The following PRRG1 variants were observed in gnomAD, a reference collection of about 807,000 sequenced individuals.
PRRG1 encodes transmembrane gamma-carboxyglutamic acid protein 1.
A neutral mutation model predicts 11.8 loss-of-function variants in PRRG1; 5 were observed. The ratio of observed to expected loss-of-function variants is 0.42; its 90% CI spans 0.22 to 0.89. The LOEUF (loss-of-function observed/expected upper bound fraction) is 0.89. Ranked by LOEUF, PRRG1 falls within the 40% of genes least tolerant of loss-of-function variation. PRRG1 has a pLI of 0.28. For missense variants in PRRG1, 155 were observed against 166.1 expected, an observed-to-expected ratio of 0.93 and a Z score of 0.37; for synonymous variants, 66 against 60.4, an observed-to-expected ratio of 1.09 and a Z score of -0.43.
intron 3 of PRRG1, among the ~76,000 whole-genome samples, chrX:37,439,348 C>T (rs1352152633): frequency 1.8e-5 from 2 of 112,373 alleles, no homozygotes; most frequent in East Asian, 2.8e-4. Context: ...CATTCCATCC[C>T]ATTGTTGAAG....
intron 1 of PRRG1, among the ~76,000 whole-genome samples, chrX:37,369,588 A>G (rs1215537406): frequency 4.5e-5 from 5 of 111,579 alleles, no homozygotes; most frequent in Non-Finnish European, 5.6e-5. Flanking sequence ...CCTCCTGTCT[A>G]ACTGAAATTT....
At chrX:37,437,418 C>T (rs1302988123) in intron 3 of PRRG1, among the ~76,000 whole-genome samples, 3 of 112,090 alleles carry the variant, frequency 2.7e-5, no homozygotes, top group African/African-American at 9.7e-5. Context: ...CAGAACTATC[C>T]TCAGAGACTG....
intron 3 of PRRG1, among the ~76,000 whole-genome samples, chrX:37,445,606 A>G (rs1208989632): frequency 8.9e-6 from 1 of 112,961 alleles, no homozygotes; most frequent in Admixed American, 9.3e-5. Flanking sequence ...TGTAACTTCA[A>G]CAACGATTAT....
intron 1 of PRRG1, among the ~76,000 whole-genome samples, chrX:37,369,946 T>C (rs1930713086): frequency 9.0e-6 from 1 of 110,614 alleles, no homozygotes; most frequent in Non-Finnish European, 1.9e-5. Flanking sequence ...GTGAGTCCAT[T>C]AAACCTCTGT....
chrX:37,447,115 A>G (rs1933092053), intron 3 of PRRG1, among the ~76,000 whole-genome samples: 1 of 112,349 alleles, frequency 8.9e-6, no homozygotes. Context: ...ACAATGTTAT[A>G]GTACCATTTA....
chrX:37,400,792 T>G, intron 1 of PRRG1, among the ~76,000 whole-genome samples: 1 of 111,333 alleles, frequency 9.0e-6, no homozygotes, highest in Non-Finnish European at 1.9e-5. Context: ...TAAAAAATGA[T>G]AAAGGGAATA....
At chrX:37,376,549 G>GTATATATATATATATATA (rs1491489103) in intron 1 of PRRG1, among the ~76,000 whole-genome samples, 661 of 15,987 alleles carry the variant, frequency 0.041, 93 homozygotes, top group African/African-American at 0.048. Context: ...AGAAATGTGA[G>GTATATATATATATATATA]TGTATATATA....
chrX:37,446,801 T>C (rs5917621), intron 3 of PRRG1, among the ~76,000 whole-genome samples: 28,580 of 110,587 alleles, frequency 0.26, 5,948 homozygotes, highest in African/African-American at 0.71. Context: ...AAAGCGGAAG[T>C]AGGCACATGT....
intron 3 of PRRG1, among the ~76,000 whole-genome samples, chrX:37,449,126 G>A (rs1323946502): frequency 9.0e-6 from 1 of 111,554 alleles, no homozygotes; most frequent in African/African-American, 3.3e-5. Context: ...CAACTTGGGG[G>A]TATTTCTGCC....
At chrX:37,356,382 CT>C (rs1209162208) in intron 1 of PRRG1, among the ~76,000 whole-genome samples, 1 of 111,403 alleles carries the variant, frequency 9.0e-6, no homozygotes, top group East Asian at 2.8e-4. Flanking sequence ...GAAGAGCTTC[CT>C]AAGCACAGGG....
chrX:37,404,207 G>A (rs1932119177), intron 1 of PRRG1, among the ~76,000 whole-genome samples: 1 of 111,746 alleles, frequency 8.9e-6, no homozygotes, highest in African/African-American at 3.3e-5. Context: ...CACTGTCCCT[G>A]GTCAAGCCAC....
chrX:37,356,211 T>A (rs1274035827), intron 1 of PRRG1, among the ~76,000 whole-genome samples: 1 of 111,908 alleles, frequency 8.9e-6, no homozygotes, highest in Non-Finnish European at 1.9e-5. Flanking sequence ...TTAAGTGACA[T>A]GGTGCTGCAT....
chrX:37,385,784 G>A (rs113422061), intron 1 of PRRG1, among the ~76,000 whole-genome samples: 4,016 of 106,609 alleles, frequency 0.038, 198 homozygotes, highest in African/African-American at 0.13. Flanking sequence ...TTTTTCAGAC[G>A]GAGTCTCGCT....
At chrX:37,435,208 G>C (rs1439764672) in intron 3 of PRRG1, among the ~76,000 whole-genome samples, 1 of 111,300 alleles carries the variant, frequency 9.0e-6, no homozygotes, top group African/African-American at 3.3e-5. Flanking sequence ...GGACACAGGA[G>C]GTAACCTAAA....
At chrX:37,452,774 G>A (rs1480724315) in intron 3 of PRRG1, among the ~76,000 whole-genome samples, 4 of 112,165 alleles carry the variant, frequency 3.6e-5, no homozygotes, top group African/African-American at 1.3e-4. Flanking sequence ...AGTTGGATAT[G>A]GAGAGTGATG....
intron 2 of PRRG1, among the ~76,000 whole-genome samples, chrX:37,419,814 C>G (rs908067500): frequency 1.1e-4 from 12 of 111,490 alleles, no homozygotes; most frequent in Non-Finnish European, 1.9e-4. Flanking sequence ...AAAAACAGTT[C>G]AGGACAAGCT....
chrX:37,382,286 T>C (rs1481834122), intron 1 of PRRG1, among the ~76,000 whole-genome samples: 1 of 111,402 alleles, frequency 9.0e-6, no homozygotes, highest in Non-Finnish European at 1.9e-5. Context: ...CCCCCCTGTT[T>C]AATTTTACCA....
chrX:37,447,912 C>T (rs1556395619), intron 3 of PRRG1, among the ~76,000 whole-genome samples: 1 of 112,052 alleles, frequency 8.9e-6, no homozygotes, highest in Non-Finnish European at 1.9e-5. Context: ...TTCACAGTAT[C>T]CTGCAGCTTA....
At chrX:37,444,317 A>G (rs1933035665) in intron 3 of PRRG1, among the ~76,000 whole-genome samples, 1 of 111,850 alleles carries the variant, frequency 8.9e-6, no homozygotes, top group Non-Finnish European at 1.9e-5. Flanking sequence ...TTTTAAAACC[A>G]TCAGGTCACT....
Sources: gnomAD v4.1 joint callset for allele counts (sites outside exome capture counted in the v4.1 genomes callset) on GRCh38, gnomAD v4.1.1 for gene constraint, MANE v1.5 for transcripts, NCBI Gene and HGNC (gene_info 2026-07-23, HGNC 2026-07-21) for gene names.